The following ZNF518A variants were observed in gnomAD, a reference collection of about 807,000 sequenced individuals.
ZNF518A encodes the protein zinc finger protein 518.
A neutral mutation model predicts 102.7 loss-of-function variants in ZNF518A; 47 were observed. That is an observed-to-expected ratio of 0.46 (90% CI 0.36 to 0.58). ZNF518A has a LOEUF of 0.58. ZNF518A is among the 20% of genes least tolerant of loss of function. ZNF518A has a pLI of 0.00. For missense variants in ZNF518A, 1,793 were observed against 1,699.8 expected, an observed-to-expected ratio of 1.05 and a Z score of -0.96; for synonymous variants, 652 against 594.6, an observed-to-expected ratio of 1.10 and a Z score of -1.40.
At chr10:96,148,426 G>A (rs2082270256) in intron 3 of ZNF518A, among the ~76,000 whole-genome samples, 1 of 152,052 alleles carries the variant, frequency 6.6e-6, no homozygotes, top group Non-Finnish European at 1.5e-5. Flanking sequence ...GGCAACAAGA[G>A]TGGAACTCTG....
At position 96,162,109 on chromosome 10, in the gene ZNF518A, CATTA is replaced by C. The variant is rs2083022969; in HGVS notation, c.*1338_*1341del. The C allele has an allele frequency of 6.0e-6, 1 of 166,840 alleles. No individual in the cohort carries two copies. Among genetic ancestry groups the C allele is most frequent in the African/African-American group, 2.4e-5 (1 of 41,408 alleles). The allele number at this position is 166,840 out of a possible 1,614,324, so 10.3% of individuals were successfully genotyped here. On this transcript the variant is annotated 3_prime_UTR_variant, in exon 6 of 6. Transcript: ENST00000316045. ...TTGTTACAAGTGTTAATGACATTTT[CATTA>C]ATGGATGAAAACTTCAGGGCTTCTT...
Position 96,159,966 on chromosome 10 carries a change from C to T in ZNF518A, c.3644C>T (p.Pro1215Leu). 3.1e-6 allele frequency: 5 copies of T among 1,613,456 alleles called. No individual in the cohort carries two copies. The highest frequency in any genetic ancestry group is 4.2e-6 in the Non-Finnish European group (5 of 1,179,686). ...GTGATAACTTCTACTGCAACATGCC[C>T]AGAATCTTCTGAGGAACCAATATGT... ...EIVITSTATC[P>L]ESSEEPICVS... Residue 1215 changes from proline to leucine, a missense_variant, in exon 6 of 6, where the codon CCA becomes CTA. By Grantham distance (98) the Pro-to-Leu change is moderately conservative. Transcript: ENST00000316045.
At position 96,159,221 on chromosome 10, in the gene ZNF518A, C is replaced by A. The variant is rs369438287; in HGVS notation, c.2899C>A (p.Pro967Thr). The change falls in exon 6 of 6, where the codon CCT becomes ACT. Residue 967 changes from proline (P) to threonine (T), a missense_variant. Around this residue, in one of 3 missense-constraint regions of ZNF518A, gnomAD observed 1,741 missense variants for 1,622.6 expected, o/e 1.07. Coordinates refer to ENST00000316045, the MANE Select transcript of ZNF518A (RefSeq NM_001330736.2). ...TCCATTGGTTAATTCACAAGGTATC[C>A]CTGCTTCTCTTTTTGTAAACAAGAA... Reference protein sequence around the residue: ...ALPLVNSQGIPASLFVNKKPG... With the variant: ...ALPLVNSQGITASLFVNKKPG... 2.5e-6 allele frequency: 4 copies of A among 1,613,526 alleles called. No homozygotes were observed. The highest frequency in any genetic ancestry group is 3.4e-6 in the Non-Finnish European group (4 of 1,179,752).
chr10:96,141,780 C>T (rs1308154916), intron 3 of ZNF518A, among the ~76,000 whole-genome samples: 1 of 139,928 alleles, frequency 7.1e-6, no homozygotes, highest in Non-Finnish European at 1.5e-5. Context: ...CAGGGTCTAG[C>T]TCTGTTGGTC....
At position 96,157,928 on chromosome 10, in the gene ZNF518A, CAAAG is replaced by C. The variant is rs782466254; in HGVS notation, c.1607_1610del (p.Gln536ArgfsTer28). The C allele has an allele frequency of 1.2e-6, 2 of 1,613,640 alleles. No homozygotes were observed. The highest frequency in any genetic ancestry group is 1.3e-5 in the African/African-American group (1 of 74,904). On this transcript the variant is annotated frameshift_variant, in exon 6 of 6. Coordinates refer to ENST00000316045, the MANE Select transcript of ZNF518A (RefSeq NM_001330736.2). LOFTEE classifies it high-confidence loss of function. ...AGAAAAAGAAATGACTTTGATATCT[CAAAG>C]GAATAATATGCTTCAAACAATGGAT...
chr10:96,132,372 T>A lies in ZNF518A; in HGVS notation c.-452-214T>A, dbSNP rs587756272. Among the ~76,000 whole-genome samples, 9 of 152,180 alleles carry A rather than the reference T, an allele frequency of 5.9e-5. No individual in the cohort carries two copies. In the South Asian group the frequency reaches 1.9e-3, roughly 32 times the overall value. On this transcript the variant is annotated intron_variant, in intron 1 of 5. Transcript: ENST00000316045. The stretch of plus-strand genomic sequence containing the variant: ...TTTTTCTTGTAATAAATGAAGATAC[T>A]GAGTTAGATTGATTCTAAGCTTTAG...
intron 3 of ZNF518A, among the ~76,000 whole-genome samples, chr10:96,138,594 T>A (rs1427777631): frequency 6.6e-6 from 1 of 152,250 alleles, no homozygotes; most frequent in Non-Finnish European, 1.5e-5. Context: ...TTTATTTTTC[T>A]CTGTAGCAAT....
intron 3 of ZNF518A, among the ~76,000 whole-genome samples, chr10:96,150,292 C>T (rs1487580789): frequency 6.7e-6 from 1 of 150,272 alleles, no homozygotes; most frequent in African/African-American, 2.5e-5. Context: ...TGAGATTGCA[C>T]CACTGCACTC....
chr10:96,199,373 G>A (rs2083565254), intron 1 of ZNF518A: 1 of 283,220 alleles, frequency 3.5e-6, no homozygotes, highest in Non-Finnish European at 7.5e-6. Context: ...TTGTTTGTTT[G>A]TTTGCCATCT....
intron 1 of ZNF518A, among the ~76,000 whole-genome samples, chr10:96,198,797 C>A (rs2083544764): frequency 6.6e-6 from 1 of 152,204 alleles, no homozygotes; most frequent in South Asian, 2.1e-4. Context: ...CTCCTAGGCC[C>A]AACCGATTCT....
chr10:96,158,809 T>G lies in ZNF518A; in HGVS notation c.2487T>G (p.Ser829=). ...AGAGAGAAGGCAAAATTGTTGAATC[T>G]TCGAAAGATTTCAAAGTGCAAGGCA... ...KHEREGKIVE[S]SKDFKVQGIF... The change falls in exon 6 of 6, where the codon TCT becomes TCG. Residue 829 remains serine (S), a synonymous_variant. Coordinates refer to ENST00000316045, the MANE Select transcript of ZNF518A (RefSeq NM_001330736.2). 5 of 1,613,776 alleles carry G rather than the reference T, an allele frequency of 3.1e-6. No homozygotes were observed. The highest frequency in any genetic ancestry group is 4.2e-6 in the Non-Finnish European group (5 of 1,179,742).
In ZNF518A at chr10:96,157,800, G is replaced by A. The variant is rs1757591561; in HGVS notation, c.1478G>A (p.Gly493Glu). ...NLQPQTLDTNGFLTGVTTELN... is the reference protein window; with the variant it reads ...NLQPQTLDTNEFLTGVTTELN... The stretch of plus-strand genomic sequence containing the variant: ...CAGCCCCAGACTTTGGACACTAATG[G>A]ATTTTTAACAGGAGTAACAACTGAG... The change falls in exon 6 of 6, where the codon GGA becomes GAA. Residue 493 changes from glycine (G) to glutamate (E), a missense_variant. Physicochemically the swap from Gly to Glu is moderately conservative, Grantham distance 98 (BLOSUM62 -2). This residue lies in a region of ZNF518A where 1,741 missense variants were observed against 1,622.6 expected (regional missense o/e 1.07). Coordinates refer to ENST00000316045, the MANE Select transcript of ZNF518A (RefSeq NM_001330736.2). 6.2e-7 allele frequency: 1 copy of A among 1,613,742 alleles called. No individual in the cohort carries two copies.
chr10:96,204,471 T>A (rs2083742449), downstream of ZNF518A: 2 of 1,537,730 alleles, frequency 1.3e-6, no homozygotes, highest in African/African-American at 1.4e-5. Flanking sequence ...AGTGAAACAA[T>A]GCACATGTTA....
intron 1 of ZNF518A, among the ~76,000 whole-genome samples, chr10:96,172,171 G>A (rs1209598934): frequency 6.8e-6 from 1 of 146,928 alleles, no homozygotes; most frequent in Non-Finnish European, 1.5e-5. Flanking sequence ...CAGGAAAAAA[G>A]AAAGACATTA....
rs781836086 is a variant in ZNF518A, at chr10:96,156,926, T to G, written c.604T>G (p.Cys202Gly). Residue 202 changes from cysteine (C) to glycine (G), a missense_variant, in exon 6 of 6, where the codon TGT (cysteine) becomes GGT (glycine). Cys to Gly is a radical substitution (Grantham distance 159, BLOSUM62 -3). Transcript: ENST00000316045. Reference protein sequence around the residue: ...NLTKHFTSTHCVNGNFQCEKC... With the variant: ...NLTKHFTSTHGVNGNFQCEKC... The stretch of plus-strand genomic sequence containing the variant: ...GACAAAGCATTTCACATCCACACAT[T>G]GTGTTAATGGTAATTTTCAATGTGA... 1.9e-6 allele frequency: 3 copies of G among 1,613,878 alleles called. No homozygotes were observed. Among genetic ancestry groups the G allele is most frequent in the Non-Finnish European group, 8.5e-7 (1 of 1,179,804 alleles).
intron 3 of ZNF518A, among the ~76,000 whole-genome samples, chr10:96,147,070 G>A (rs2082205054): frequency 6.6e-6 from 1 of 152,230 alleles, no homozygotes; most frequent in African/African-American, 2.4e-5. Flanking sequence ...AGACCAGATA[G>A]TGGATGTCTG....
Position 96,160,107 on chromosome 10 carries a change from G to A in ZNF518A, c.3785G>A (p.Gly1262Glu). Reference sequence around the variant, plus strand: ...ATTTTTTCAAAAACAAAAACTCATGGAAGTAAAGACTCTGAAACTGCCTTT... The same window carrying A: ...ATTTTTTCAAAAACAAAAACTCATGAAAGTAAAGACTCTGAAACTGCCTTT... ...KKIFSKTKTH[G>E]SKDSETAFVS... The change falls in exon 6 of 6, where the codon GGA becomes GAA. Residue 1262 changes from glycine to glutamate, a missense_variant. Transcript: ENST00000316045. 6.2e-7 allele frequency: 1 copy of A among 1,610,946 alleles called. No homozygotes were observed. The highest frequency in any genetic ancestry group is 8.5e-7 in the Non-Finnish European group (1 of 1,179,066).
At position 96,161,211 on chromosome 10, in the gene ZNF518A, C is replaced by T. The variant is rs1554887840; in HGVS notation, c.*437C>T. 1.2e-5 allele frequency: 2 copies of T among 169,236 alleles called. No individual in the cohort carries two copies. Among genetic ancestry groups the T allele is most frequent in the Admixed American group, 1.3e-4 (2 of 15,396 alleles). The allele number at this position is 169,236 out of a possible 1,614,324, so 10.5% of individuals were successfully genotyped here. A position where few individuals can be genotyped will look rare whatever the true frequency, so the allele number is the denominator to read the frequency against. ...TTTCATCGTAGAACTGAAGGAGTTTCTCACATTTGTGAAGATACTTTGAGA... is the reference window on the plus strand; with the variant it reads ...TTTCATCGTAGAACTGAAGGAGTTTTTCACATTTGTGAAGATACTTTGAGA... On this transcript the variant is annotated 3_prime_UTR_variant, in exon 6 of 6. Transcript: ENST00000316045.
chr10:96,197,069 T>C, intron 1 of ZNF518A: 4 of 1,607,604 alleles, frequency 2.5e-6, no homozygotes, highest in Non-Finnish European at 3.4e-6. Flanking sequence ...CCATCCTGTT[T>C]AATTTTTTTT....
Sources: gnomAD v4.1 joint callset for allele counts (sites outside exome capture counted in the v4.1 genomes callset) on GRCh38, gnomAD v4.1.1 for gene constraint, gnomAD v4.1.1 regional missense constraint, MANE v1.5 for transcripts, NCBI Gene and HGNC (gene_info 2026-07-23, HGNC 2026-07-21) for gene names.